Variants in GMDS observed in about 807,000 individuals in gnomAD.
The protein encoded by GMDS is GDP-mannose 4,6-dehydratase.
In GMDS, 20 loss-of-function variants were observed where a neutral mutation model predicts 49.9. That is an observed-to-expected ratio of 0.40 (90% CI 0.28 to 0.58). The LOEUF (loss-of-function observed/expected upper bound fraction) is 0.58, where lower values mean the gene tolerates loss of function less well. GMDS is among the 20% of genes least tolerant of loss of function. The pLI, the probability that GMDS is intolerant of heterozygous loss-of-function variation, is 0.42. For missense variants in GMDS, 362 were observed against 481.4 expected (o/e 0.75, Z 2.32); for synonymous variants, 177 against 178.6 (o/e 0.99, Z 0.07).
chr6:2,122,140 G>A (rs1417283104), intron 2 of GMDS, among the ~76,000 whole-genome samples: 2 of 152,246 alleles, frequency 1.3e-5, no homozygotes, highest in Non-Finnish European at 2.9e-5. Context: ...AAGGCCTCAC[G>A]GATTTAAAAT....
chr6:2,077,302 G>T (rs1421199494), intron 4 of GMDS, among the ~76,000 whole-genome samples: 1 of 151,866 alleles, frequency 6.6e-6, no homozygotes, highest in East Asian at 1.9e-4. Context: ...GATTTGCTAG[G>T]ATTTCCAGTG....
At chr6:1,761,149 A>G (rs1768139073) in intron 7 of GMDS, among the ~76,000 whole-genome samples, 1 of 152,166 alleles carries the variant, frequency 6.6e-6, no homozygotes, top group Admixed American at 6.5e-5. Flanking sequence ...TGTGTTCTCC[A>G]AGATTCAGAA....
chr6:2,054,739 A>T (rs1336160654), intron 4 of GMDS, among the ~76,000 whole-genome samples: 6 of 151,930 alleles, frequency 3.9e-5, no homozygotes, highest in Non-Finnish European at 7.4e-5. Context: ...ACCAAAATTA[A>T]TTTTTTACCC....
chr6:2,044,554 G>A (rs555762478), intron 4 of GMDS, among the ~76,000 whole-genome samples: 17 of 152,188 alleles, frequency 1.1e-4, no homozygotes, highest in African/African-American at 4.1e-4. Context: ...AGACACTGGG[G>A]CTTCCCAGAG....
chr6:1,770,273 C>T (rs573815935), intron 7 of GMDS, among the ~76,000 whole-genome samples: 2 of 152,290 alleles, frequency 1.3e-5, no homozygotes, highest in South Asian at 4.1e-4. Flanking sequence ...GTTTTAGACC[C>T]TAGGTTAGGA....
chr6:1,966,384 A>AC (rs1274676283), intron 4 of GMDS, among the ~76,000 whole-genome samples: 3 of 151,506 alleles, frequency 2.0e-5, no homozygotes, highest in Non-Finnish European at 4.4e-5. Context: ...AAAAAAAAAA[A>AC]AACCAAGCCT....
At chr6:1,796,635 C>T (rs148373978) in intron 7 of GMDS, among the ~76,000 whole-genome samples, 11 of 152,340 alleles carry the variant, frequency 7.2e-5, no homozygotes, top group South Asian at 4.1e-4. Context: ...TGAACTTCTA[C>T]ATACACTTGC....
At position 1,988,061 on chromosome 6, in the gene GMDS, G is replaced by T. The variant is rs143724632; in HGVS notation, c.346-27095C>A. ...ACATACACATACATGCATATGCACA[G>T]CCCCCATATGCATTCTTTACTATTT... On this transcript the variant is annotated intron_variant, in intron 4 of 10. Transcript: ENST00000380815. 4.6e-3 allele frequency among the ~76,000 whole-genome samples: 706 copies of T among 152,158 alleles called. 6 individuals carry two copies. Among genetic ancestry groups the T allele is most frequent in the African/African-American group, 0.016 (682 of 41,496 alleles).
intron 1 of GMDS, among the ~76,000 whole-genome samples, chr6:2,141,216 T>A (rs928818083): frequency 1.3e-5 from 2 of 152,174 alleles, no homozygotes; most frequent in African/African-American, 4.8e-5. Flanking sequence ...CCCATGGGCA[T>A]CTGCAGTAAG....
At chr6:2,244,758 T>C (rs1781782864) in intron 1 of GMDS, among the ~76,000 whole-genome samples, 1 of 152,010 alleles carries the variant, frequency 6.6e-6, no homozygotes, top group Admixed American at 6.5e-5. Flanking sequence ...TTTTTTAAGT[T>C]CTTTTTCCTA....
intron 4 of GMDS, among the ~76,000 whole-genome samples, chr6:2,013,429 C>T (rs1055774101): frequency 6.6e-6 from 1 of 151,654 alleles, no homozygotes; most frequent in Non-Finnish European, 1.5e-5. Flanking sequence ...AAAAGAAAAA[C>T]AAGAAAAAGC....
At chr6:2,128,256 C>T (rs1418549287) in intron 1 of GMDS, among the ~76,000 whole-genome samples, 3 of 151,664 alleles carry the variant, frequency 2.0e-5, no homozygotes, top group Non-Finnish European at 2.9e-5. Flanking sequence ...CTCACTGCAA[C>T]CTCCATCTCA....
intron 1 of GMDS, among the ~76,000 whole-genome samples, chr6:2,153,608 C>G: frequency 6.6e-6 from 1 of 152,056 alleles, no homozygotes; most frequent in Admixed American, 6.6e-5. Flanking sequence ...CTGATCCCTA[C>G]TCAAAATGAA....
intron 1 of GMDS, among the ~76,000 whole-genome samples, chr6:2,201,111 A>G (rs1269373770): frequency 0.019 from 937 of 49,874 alleles, no homozygotes; most frequent in Middle Eastern, 0.029. Context: ...GAGGGGTGAA[A>G]GATGAAGAGA....
chr6:1,744,114 A>C (rs1447519802), intron 7 of GMDS, among the ~76,000 whole-genome samples: 6 of 152,212 alleles, frequency 3.9e-5, no homozygotes, highest in Admixed American at 3.9e-4. Context: ...ATTCATTGGA[A>C]TTTGTAGAAA....
intron 1 of GMDS, among the ~76,000 whole-genome samples, chr6:2,220,615 C>A (rs1780541722): frequency 6.6e-6 from 1 of 152,146 alleles, no homozygotes; most frequent in Non-Finnish European, 1.5e-5. Flanking sequence ...CTTTGCTACA[C>A]ACATAAAATT....
chr6:1,936,650 C>T (rs759477189), intron 6 of GMDS, among the ~76,000 whole-genome samples: 1 of 152,140 alleles, frequency 6.6e-6, no homozygotes, highest in Non-Finnish European at 1.5e-5. Flanking sequence ...GCATGGACCG[C>T]TTATATGACA....
chr6:1,647,478 A>C (rs1763522645), intron 9 of GMDS, among the ~76,000 whole-genome samples: 1 of 152,232 alleles, frequency 6.6e-6, no homozygotes, highest in Admixed American at 6.5e-5. Context: ...AATAAGAATT[A>C]ATACCTTCAG....
At chr6:1,758,817 T>C (rs970565050) in intron 7 of GMDS, among the ~76,000 whole-genome samples, 1 of 152,178 alleles carries the variant, frequency 6.6e-6, no homozygotes, top group Non-Finnish European at 1.5e-5. Flanking sequence ...ACGCCTGTAA[T>C]CCCAGCACTT....
Sources: gnomAD v4.1 joint callset for allele counts (sites outside exome capture counted in the v4.1 genomes callset) on GRCh38, gnomAD v4.1.1 for gene constraint, MANE v1.5 for transcripts, NCBI Gene and HGNC (gene_info 2026-07-23, HGNC 2026-07-21) for gene names.